Variants in P4HA1 observed in about 807,000 individuals in gnomAD.
The protein encoded by P4HA1 is prolyl 4-hydroxylase subunit alpha-1.
Under a neutral mutation model 72.8 loss-of-function variants are expected in P4HA1, and 24 were observed. That is an observed-to-expected ratio of 0.33 (90% CI 0.24 to 0.46). The LOEUF (loss-of-function observed/expected upper bound fraction) is 0.46. Among genes scored for constraint, P4HA1 ranks in the 20% least tolerant of loss-of-function variants. P4HA1 has a pLI of 1.00. For missense variants in P4HA1, 446 were observed against 640.6 expected, an observed-to-expected ratio of 0.70 and a Z score of 3.28; for synonymous variants, 201 against 218.8, an observed-to-expected ratio of 0.92 and a Z score of 0.72.
intron 9 of P4HA1, among the ~76,000 whole-genome samples, chr10:73,040,476 A>ATATTT (rs1291054248): frequency 8.1e-6 from 1 of 123,590 alleles, no homozygotes; most frequent in African/African-American, 3.7e-5. Flanking sequence ...GAATTCATGA[A>ATATTT]TTTTTTTTTT....
Position 73,037,566 on chromosome 10 carries a change from TA to T in P4HA1, c.1149-7197del, listed in dbSNP as rs1564625019. Among the ~76,000 whole-genome samples, 89 of 30,036 alleles carry T rather than the reference TA, an allele frequency of 3.0e-3. 2 individuals carry two copies. Among genetic ancestry groups the T allele is most frequent in the East Asian group, 7.6e-3 (4 of 526 alleles). 19.7% of individuals were successfully genotyped at this position (30,036 alleles called of 152,430 possible). A position where few individuals can be genotyped will look rare whatever the true frequency, so the allele number is the denominator to read the frequency against. On this transcript the variant is annotated intron_variant, in intron 9 of 14. Transcript: ENST00000394890. ...ATATATATATATATATATATATATA[TA>T]TATATTTTTTTTTTTTTTTTTTTAC... is the stretch of plus-strand genomic sequence containing the variant.
chr10:73,071,266 A>C (rs951273223), intron 4 of P4HA1: 1 of 152,032 alleles, frequency 6.6e-6, no homozygotes, highest in African/African-American at 2.4e-5. Flanking sequence ...TCTCACAGTA[A>C]AGAAGTATTC....
At chr10:73,052,699 G>T (rs747115728) in intron 6 of P4HA1, among the ~76,000 whole-genome samples, 1 of 152,016 alleles carries the variant, frequency 6.6e-6, no homozygotes, top group African/African-American at 2.4e-5. Flanking sequence ...TTCCTATTTT[G>T]TAAAAATAAT....
chr10:73,021,155 A>C (rs1164025516), intron 10 of P4HA1, among the ~76,000 whole-genome samples: 3 of 151,642 alleles, frequency 2.0e-5, no homozygotes, highest in Admixed American at 6.6e-5. Flanking sequence ...AAACAAAAAA[A>C]CCCAAAAATA....
intron 1 of P4HA1, among the ~76,000 whole-genome samples, chr10:73,084,837 T>A (rs1276447158): frequency 6.6e-6 from 1 of 152,160 alleles, no homozygotes; most frequent in Non-Finnish European, 1.5e-5. Context: ...TTTTGAAGTT[T>A]AAGACAATAA....
intron 5 of P4HA1, among the ~76,000 whole-genome samples, chr10:73,066,048 C>T (rs769158076): frequency 5.3e-5 from 8 of 152,082 alleles, no homozygotes; most frequent in Non-Finnish European, 8.8e-5. Context: ...TGACAGGATA[C>T]GCACCAAGTT....
chr10:73,052,678 A>G (rs1345377929), intron 6 of P4HA1, among the ~76,000 whole-genome samples: 1 of 152,228 alleles, frequency 6.6e-6, no homozygotes, highest in African/African-American at 2.4e-5. Flanking sequence ...TGATTCTAAC[A>G]TGCACATATT....
rs201024386 is a variant in P4HA1 at position 73,072,224 on chromosome 10, G to T, written c.174-44C>A. 140 of 1,477,934 alleles carry T rather than the reference G, an allele frequency of 9.5e-5. 1 individual carries two copies. The highest frequency in any genetic ancestry group is 1.3e-4 in the Non-Finnish European group (136 of 1,080,712). The allele number at this position is 1,477,934 out of a possible 1,614,324, so 91.6% of individuals were successfully genotyped here. On this transcript the variant is annotated intron_variant, in intron 3 of 14. Transcript: ENST00000394890. ...AAAACTGAATATTTATATTTCATAGGGAAAAACACAATTTAATGAAACGCT... is the reference window on the plus strand; with the variant it reads ...AAAACTGAATATTTATATTTCATAGTGAAAAACACAATTTAATGAAACGCT...
intron 1 of P4HA1, among the ~76,000 whole-genome samples, chr10:73,078,430 T>C (rs1841749464): frequency 1.3e-5 from 2 of 152,226 alleles, no homozygotes; most frequent in Admixed American, 1.3e-4. Flanking sequence ...TGGTGGAATC[T>C]ATATTGACTA....
At chr10:73,073,228 T>G (rs1841609471) in intron 3 of P4HA1, among the ~76,000 whole-genome samples, 1 of 148,184 alleles carries the variant, frequency 6.7e-6, no homozygotes, top group Admixed American at 6.7e-5. Flanking sequence ...TTCTTTTTTT[T>G]TTTTTTTTTT....
Position 73,072,161 on chromosome 10 carries a change from G to A in P4HA1, c.193C>T (p.Arg65Trp), listed in dbSNP as rs145465939. The A allele has an allele frequency of 1.1e-5, 18 of 1,611,102 alleles. No homozygotes were observed. Among genetic ancestry groups the A allele is most frequent in the Admixed American group, 5.0e-5 (3 of 59,922 alleles). The change falls in exon 4 of 15, where the codon CGG (arginine) becomes TGG (tryptophan). Residue 65 changes from arginine to tryptophan, a missense_variant. Physicochemically the swap from Arg to Trp is moderately radical, Grantham distance 101. Transcript: ENST00000394890. Reference sequence around the variant, plus strand: ...TCTTTTGTCGCTGTACTAGTTAGCCGATCTAACTTCTCTGCCCATCTACAG... The same window carrying A: ...TCTTTTGTCGCTGTACTAGTTAGCCAATCTAACTTCTCTGCCCATCTACAG... Reference protein sequence around the residue: ...QIKKWAEKLDRLTSTATKDPE... With the variant: ...QIKKWAEKLDWLTSTATKDPE...
chr10:73,019,603 C>T (rs1043601549), intron 10 of P4HA1, among the ~76,000 whole-genome samples: 1 of 151,434 alleles, frequency 6.6e-6, no homozygotes, highest in Non-Finnish European at 1.5e-5. Context: ...ACACTTGCAG[C>T]TGAAGAATTC....
intron 10 of P4HA1, among the ~76,000 whole-genome samples, chr10:73,021,217 G>A (rs1447150964): frequency 6.6e-6 from 1 of 152,106 alleles, no homozygotes; most frequent in Non-Finnish European, 1.5e-5. Flanking sequence ...CACTGCTGGT[G>A]GGAATGTAAA....
intron 9 of P4HA1, among the ~76,000 whole-genome samples, chr10:73,044,255 A>C (rs1480274094): frequency 1.3e-5 from 2 of 152,222 alleles, no homozygotes; most frequent in Non-Finnish European, 2.9e-5. Context: ...GGTTTCACAG[A>C]AACTTTCTCA....
chr10:73,068,063 T>C (rs1841469256), intron 5 of P4HA1, among the ~76,000 whole-genome samples: 2 of 152,200 alleles, frequency 1.3e-5, no homozygotes, highest in South Asian at 4.1e-4. Context: ...AATTTGTACA[T>C]TTTTGGAAGT....
intron 9 of P4HA1, among the ~76,000 whole-genome samples, chr10:73,033,801 T>C (rs1175840295): frequency 2.6e-5 from 4 of 152,144 alleles, no homozygotes; most frequent in Non-Finnish European, 5.9e-5. Flanking sequence ...CAGGAGCAAA[T>C]CTTTGTGACG....
intron 12 of P4HA1, among the ~76,000 whole-genome samples, chr10:73,011,279 G>A (rs1200273965): frequency 6.6e-6 from 1 of 152,130 alleles, no homozygotes; most frequent in East Asian, 1.9e-4. Context: ...ATGGAAGACT[G>A]GGGATATAAT....
At chr10:73,042,012 A>AT (rs142195540) in intron 9 of P4HA1, among the ~76,000 whole-genome samples, 16,161 of 151,376 alleles carry the variant, frequency 0.11, 1,231 homozygotes, top group East Asian at 0.29. Flanking sequence ...CACCTGGCTA[A>AT]TTTTTTTTGT....
chr10:73,081,543 T>A lies in P4HA1; in HGVS notation c.-32-6628A>T, dbSNP rs951872628. ...ATAAAAATAAATGTGAAGTTTACAT[T>A]CATCCAAACACAAAACTTTCCTACA... is the stretch of plus-strand genomic sequence containing the variant. On this transcript the variant is annotated intron_variant, in intron 1 of 14. Transcript: ENST00000394890. 2.6e-5 allele frequency among the ~76,000 whole-genome samples: 4 copies of A among 152,300 alleles called. No individual in the cohort carries two copies. In the East Asian group the frequency reaches 7.7e-4, roughly 29 times the overall value.
Sources: allele counts gnomAD v4.1 joint callset (sites outside exome capture counted in the v4.1 genomes callset), GRCh38; gene constraint gnomAD v4.1.1; transcripts MANE v1.5; gene names NCBI Gene and HGNC (gene_info 2026-07-23, HGNC 2026-07-21).